RGS12: variants seen among roughly 807,000 people sequenced by gnomAD.
The protein encoded by RGS12 is regulator of G protein signaling 12, also known as regulator of G-protein signaling 12.
A neutral mutation model predicts 120.1 loss-of-function variants in RGS12; 66 were observed. The ratio of observed to expected loss-of-function variants is 0.55; its 90% CI spans 0.45 to 0.67. RGS12 has a LOEUF of 0.67. Ranked by LOEUF, RGS12 falls within the 30% of genes least tolerant of loss-of-function variation. RGS12 has a pLI of 0.00. For missense variants in RGS12, 1,859 were observed against 1,957.7 expected (o/e 0.95, Z 0.95); for synonymous variants, 827 against 804.7 (o/e 1.03, Z -0.47).
At chr4:3,294,315 C>G (rs1723242945) in intron 1 of RGS12, among the ~76,000 whole-genome samples, 1 of 152,220 alleles carries the variant, frequency 6.6e-6, no homozygotes. Flanking sequence ...AGGAGACTAC[C>G]AAGGAGGGCA....
intron 3 of RGS12, among the ~76,000 whole-genome samples, chr4:3,350,416 T>C (rs1714246662): frequency 6.6e-6 from 1 of 152,226 alleles, no homozygotes; most frequent in Non-Finnish European, 1.5e-5. Flanking sequence ...GTGTGGTGGC[T>C]CATGCCTATA....
At chr4:3,409,147 G>A (rs924355559) in intron 4 of RGS12, among the ~76,000 whole-genome samples, 26 of 152,122 alleles carry the variant, frequency 1.7e-4, no homozygotes, top group Admixed American at 6.5e-4. Flanking sequence ...GCTCTCTGCC[G>A]TGCTCCTCTG....
At chr4:3,320,839 G>T (rs1304049009) in intron 2 of RGS12, among the ~76,000 whole-genome samples, 1 of 152,314 alleles carries the variant, frequency 6.6e-6, no homozygotes, top group East Asian at 1.9e-4. Flanking sequence ...GAAGGTGGCC[G>T]TGACCGTCCG....
At chr4:3,394,083 G>A (rs984331333) in intron 4 of RGS12, among the ~76,000 whole-genome samples, 7 of 152,250 alleles carry the variant, frequency 4.6e-5, no homozygotes, top group East Asian at 3.9e-4. Flanking sequence ...GAGCACCTGC[G>A]ACTGACCCTT....
At chr4:3,417,643 A>T in intron 9 of RGS12, 102 bp downstream of exon 9, 1 of 1,262,966 alleles carries the variant, frequency 7.9e-7, no homozygotes, top group South Asian at 1.3e-5. Context: ...CCATGTGTGC[A>T]GTGAGAGGCC....
At chr4:3,431,172 C>T in intron 17 of RGS12, 1 of 1,411,434 alleles carries the variant, frequency 7.1e-7, no homozygotes, top group Non-Finnish European at 9.2e-7. Flanking sequence ...CCCCGAGGCG[C>T]TCTGGGCAGG....
intron 2 of RGS12, among the ~76,000 whole-genome samples, chr4:3,320,685 T>C (rs973495333): frequency 1.3e-5 from 2 of 152,214 alleles, no homozygotes; most frequent in African/African-American, 4.8e-5. Flanking sequence ...GTGTTGCTGT[T>C]TACTTTGCCA....
chr4:3,323,287 A>G lies in RGS12; in HGVS notation c.1881+5236A>G, dbSNP rs552148251. Among the ~76,000 whole-genome samples, 5 of 152,238 alleles carry G rather than the reference A, an allele frequency of 3.3e-5. No individual in the cohort carries two copies. The South Asian group carries it at 1.0e-3, about 32-fold the overall frequency. On this transcript the variant is annotated intron_variant, in intron 2 of 17. Transcript: ENST00000336727. ...GTGGGTGCTCATCATCTCATTCTCC[A>G]CCATTTGTTCATGACGACATACCCA...
At chr4:3,407,765 C>T (rs184972979) in intron 4 of RGS12, among the ~76,000 whole-genome samples, 180 of 152,266 alleles carry the variant, frequency 1.2e-3, no homozygotes, top group African/African-American at 3.9e-3. Flanking sequence ...TTTGAGGTTA[C>T]GGTTTGGATG....
chr4:3,317,086 C>T lies in RGS12; in HGVS notation c.916C>T (p.Pro306Ser), dbSNP rs145050165. The change falls in exon 2 of 18, where the codon CCG (proline) becomes TCG (serine). Residue 306 changes from proline to serine, a missense_variant. Around this residue, in one of 3 missense-constraint regions of RGS12, gnomAD observed 967 missense variants for 994.2 expected, o/e 0.97. Transcript: ENST00000336727. ...GAAGCTGGCCTTCAGCGCCGTGTGCCCGGACGACCGGCGATTTTTCGGGTT... is the reference window on the plus strand; with the variant it reads ...GAAGCTGGCCTTCAGCGCCGTGTGCTCGGACGACCGGCGATTTTTCGGGTT... Reference protein sequence around the residue: ...AEKLAFSAVCPDDRRFFGLVT... With the variant: ...AEKLAFSAVCSDDRRFFGLVT... 177 of 1,613,702 alleles carry T rather than the reference C, an allele frequency of 1.1e-4. No individual in the cohort carries two copies. In the East Asian group the frequency reaches 3.9e-3, roughly 36 times the overall value.
chr4:3,363,653 C>T (rs13125849), intron 3 of RGS12, among the ~76,000 whole-genome samples: 1 of 152,174 alleles, frequency 6.6e-6, no homozygotes, highest in Non-Finnish European at 1.5e-5. Context: ...TGCAGGGCTC[C>T]ATGCGGGAGT....
chr4:3,318,786 C>T (rs1041443042), intron 2 of RGS12, among the ~76,000 whole-genome samples: 1 of 152,124 alleles, frequency 6.6e-6, no homozygotes, highest in Non-Finnish European at 1.5e-5. Context: ...GGGGCTGTGC[C>T]TGTGCGGTTG....
At chr4:3,437,940 G>A (rs1434338061) in intron 17 of RGS12, among the ~76,000 whole-genome samples, 1 of 152,186 alleles carries the variant, frequency 6.6e-6, no homozygotes, top group Admixed American at 6.5e-5. Context: ...TTGGACTGAG[G>A]GTGAGGAGGG....
At chr4:3,286,744 C>A in the RGS12 span, among the ~76,000 whole-genome samples, 2 of 152,218 alleles carry the variant, frequency 1.3e-5, no homozygotes, top group Non-Finnish European at 2.9e-5. Context: ...GAACGTGTTC[C>A]CAGCACTTTG....
Position 3,428,684 on chromosome 4 carries a change from C to T in RGS12, c.3538C>T (p.Gln1180Ter), listed in dbSNP as rs1253794021. 6.3e-7 allele frequency: 1 copy of T among 1,594,914 alleles called. No individual in the cohort carries two copies. The highest frequency in any genetic ancestry group is 8.5e-7 in the Non-Finnish European group (1 of 1,175,154). ...SIAKIGKKKYQKINLDEAEEF... is the reference protein window; with the variant it reads ...SIAKIGKKKY ...TGCAAAGATTGGGAAAAAAAAATATCAGAAAATTAATTTGGACGAAGCAGA... is the reference window on the plus strand; with the variant it reads ...TGCAAAGATTGGGAAAAAAAAATATTAGAAAATTAATTTGGACGAAGCAGA... The change falls in exon 16 of 18, where the codon CAG becomes TAG. Residue 1180 changes from glutamine to a stop codon, truncating the protein, a stop_gained. Transcript: ENST00000336727. LOFTEE classifies it high-confidence loss of function.
intron 12 of RGS12, among the ~76,000 whole-genome samples, 180 bp from the exon 13 acceptor site, chr4:3,423,335 C>G (rs1228818419): frequency 6.6e-6 from 1 of 152,236 alleles, no homozygotes; most frequent in Non-Finnish European, 1.5e-5. Flanking sequence ...GACCATAGCC[C>G]TTGCTTGGCC....
rs756783557 is a variant in RGS12, at chr4:3,417,048, C to G, written c.2563C>G (p.His855Asp). Residue 855 changes from histidine to aspartate, a missense_variant, in exon 8 of 18, where the codon CAC becomes GAC. Coordinates refer to ENST00000336727, the MANE Select transcript of RGS12 (RefSeq NM_001394154.1). The part of the protein sequence containing the change: ...QQVPSSPASK[H>D]SLGSDHSSVS... ...GGTCCCCAGCAGCCCGGCTTCCAAG[C>G]ACAGCCTCGGTTCAGACCACTCCAG... 6.2e-7 allele frequency: 1 copy of G among 1,612,968 alleles called. No individual in the cohort carries two copies. The highest frequency in any genetic ancestry group is 8.5e-7 in the Non-Finnish European group (1 of 1,179,648).
At chr4:3,319,872 C>T (rs1007883874) in intron 2 of RGS12, among the ~76,000 whole-genome samples, 3 of 152,222 alleles carry the variant, frequency 2.0e-5, no homozygotes, top group African/African-American at 7.2e-5. Context: ...CCTCACCTCA[C>T]TTCTCCGTGG....
chr4:3,421,967 C>A (rs191703812), intron 10 of RGS12, among the ~76,000 whole-genome samples: 1 of 152,310 alleles, frequency 6.6e-6, no homozygotes, highest in African/African-American at 2.4e-5. Flanking sequence ...GTCCAGGCGA[C>A]GTTTCCATTG....
Sources: gnomAD v4.1 joint callset for allele counts (sites outside exome capture counted in the v4.1 genomes callset) on GRCh38, gnomAD v4.1.1 for gene constraint, gnomAD v4.1.1 regional missense constraint, MANE v1.5 for transcripts, NCBI Gene and HGNC (gene_info 2026-07-23, HGNC 2026-07-21) for gene names.